The following PADI2 variants were observed in gnomAD, a reference collection of about 807,000 sequenced individuals.
PADI2 encodes protein-arginine deiminase type-2.
In PADI2, 70 loss-of-function variants were observed where a neutral mutation model predicts 81.1. The ratio of observed to expected loss-of-function variants is 0.86; its 90% CI spans 0.71 to 1.05. The LOEUF is 1.05. Among genes scored for constraint, PADI2 ranks in the 50% least tolerant of loss-of-function variants. The pLI is 0.00. For missense variants in PADI2, 853 were observed against 889.9 expected (o/e 0.96, Z 0.53); for synonymous variants, 338 against 358.0 (o/e 0.94, Z 0.63).
At position 17,075,802 on chromosome 1, in the gene PADI2, G is replaced by T; in HGVS notation, c.1332C>A (p.Thr444=). ...CCTTCAGGAAGTCACGCACCACCTT[G>T]GTCATCCTCCGACCACCAGACCTGG... ...SFPLSGGRRM[T]KVVRDFLKAQ... The change falls in exon 12 of 16, where the codon ACC becomes ACA. Residue 444 remains threonine, a synonymous_variant. Coordinates refer to ENST00000375486, the MANE Select transcript of PADI2 (RefSeq NM_007365.3). 3.1e-6 allele frequency: 5 copies of T among 1,613,782 alleles called. No homozygotes were observed. The highest frequency in any genetic ancestry group is 4.2e-6 in the Non-Finnish European group (5 of 1,179,894).
chr1:17,069,061 A>G lies in PADI2; in HGVS notation c.1981T>C (p.Trp661Arg). ...VRRKPFTFKW[W>R]HMVP ...CTGGCAGGTCAGGGCACCATGTGCC[A>G]CCACTTGAAGGTGAAGGGCTTCCTG... is the stretch of plus-strand genomic sequence containing the variant. The change falls in exon 16 of 16, where the codon TGG becomes CGG. Residue 661 changes from tryptophan to arginine, a missense_variant. Coordinates refer to ENST00000375486, the MANE Select transcript of PADI2 (RefSeq NM_007365.3). 1 of 1,613,912 alleles carries G rather than the reference A, an allele frequency of 6.2e-7. No individual in the cohort carries two copies.
chr1:17,101,271 C>T (rs914990295), intron 3 of PADI2, among the ~76,000 whole-genome samples: 40 of 152,288 alleles, frequency 2.6e-4, no homozygotes, highest in African/African-American at 8.4e-4. Context: ...TCCTTATAGA[C>T]GCTTATTTTG....
In PADI2 at chr1:17,079,392, G is replaced by C; in HGVS notation, c.1182C>G (p.Thr394=). ...TGACAGACTCAAAGAGGGGCTCCCG[G>C]GTCACGTAGCCAAAATCTGGGCCCT... ...ELLGPDFGYV[T]REPLFESVTS... The change falls in exon 11 of 16, where the codon ACC becomes ACG. Residue 394 remains threonine, a synonymous_variant. Transcript: ENST00000375486. 1 of 1,613,988 alleles carries C rather than the reference G, an allele frequency of 6.2e-7. No homozygotes were observed. Among genetic ancestry groups the C allele is most frequent in the South Asian group, 1.1e-5 (1 of 91,084 alleles).
rs2078296812 is a variant in PADI2, at chr1:17,075,697, G to A, written c.1437C>T (p.Val479=). Residue 479 remains valine, a synonymous_variant, in exon 12 of 16, where the codon GTC becomes GTT. Transcript: ENST00000375486. ...AGCTTACCTTTGTGCCGGGGATGGG[G>A]ACAAAGGACATGAACTCATCCACGT... The part of the protein sequence containing the change: ...VGHVDEFMSF[V]PIPGTKKFLL... 14 of 1,613,370 alleles carry A rather than the reference G, an allele frequency of 8.7e-6. No homozygotes were observed. The highest frequency in any genetic ancestry group is 2.2e-5 in the East Asian group (1 of 44,832).
chr1:17,102,900 T>A, intron 3 of PADI2, 87 bp downstream of exon 3: 1 of 996,150 alleles, frequency 1.0e-6, no homozygotes. Context: ...TCAGCCGCAC[T>A]GAGAACCGCC....
chr1:17,112,593 C>G (rs58352567), intron 1 of PADI2, among the ~76,000 whole-genome samples: 25,230 of 151,874 alleles, frequency 0.17, 2,392 homozygotes, highest in African/African-American at 0.24. Flanking sequence ...CAAGGACCAG[C>G]GGGGAGAATG....
chr1:17,079,125 G>A, intron 11 of PADI2, 139 bp downstream of exon 11: 7 of 632,552 alleles, frequency 1.1e-5, no homozygotes, highest in Admixed American at 3.0e-5. Context: ...CAAGAGTGTC[G>A]GCCTCTTAAC....
intron 1 of PADI2, among the ~76,000 whole-genome samples, chr1:17,113,750 C>G (rs1445094719): frequency 1.3e-5 from 2 of 152,210 alleles, no homozygotes; most frequent in African/African-American, 4.8e-5. Flanking sequence ...CAGAGAGAAG[C>G]AAGCCTGGGC....
intron 9 of PADI2, 126 bp downstream of exon 9, chr1:17,083,600 G>A: frequency 1.5e-6 from 1 of 680,496 alleles, no homozygotes; most frequent in South Asian, 1.7e-5. Context: ...CACATGTGCA[G>A]ATATGAGCTG....
At position 17,109,389 on chromosome 1, in the gene PADI2, TAAAAAAAAAAAA is replaced by T. The variant is rs566123530; in HGVS notation, c.93-4340_93-4329del. Among the ~76,000 whole-genome samples, 9 of 50,070 alleles carry T rather than the reference TAAAAAAAAAAAA, an allele frequency of 1.8e-4. No individual in the cohort carries two copies. The East Asian group carries it at 3.2e-3, about 18-fold the overall frequency. 32.8% of individuals were successfully genotyped at this position (50,070 alleles called of 152,430 possible). ...GGTGACAGAGCGAGACTCTGTCTAT[TAAAAAAAAAAAA>T]AAAAAAAAAAAAAAAGCTTGGGATA... On this transcript the variant is annotated intron_variant, in intron 1 of 15. Transcript: ENST00000375486.
At chr1:17,112,815 C>T (rs1931631690) in intron 1 of PADI2, among the ~76,000 whole-genome samples, 1 of 152,228 alleles carries the variant, frequency 6.6e-6, no homozygotes, top group Non-Finnish European at 1.5e-5. Flanking sequence ...CAGAAACCTT[C>T]AGTGACTCCC....
rs375141021 is a variant in PADI2 at position 17,092,423 on chromosome 1, C to T, written c.640G>A (p.Val214Met). Reference protein sequence around the residue: ...ISMSDSDKVGVFYVENPFFGQ... With the variant: ...ISMSDSDKVGMFYVENPFFGQ... ...GATCACTCACTCTCCACGTAGAACA[C>T]GCCCACTTTGTCTGAGTCTGACATG... is the stretch of plus-strand genomic sequence containing the variant. Residue 214 changes from valine to methionine, a missense_variant, in exon 6 of 16, where the codon GTG becomes ATG. Val to Met is a conservative substitution (Grantham distance 21). Coordinates refer to ENST00000375486, the MANE Select transcript of PADI2 (RefSeq NM_007365.3). 1.0e-5 allele frequency: 16 copies of T among 1,606,758 alleles called. No homozygotes were observed. Among genetic ancestry groups the T allele is most frequent in the African/African-American group, 5.4e-5 (4 of 73,686 alleles).
intron 1 of PADI2, among the ~76,000 whole-genome samples, chr1:17,113,278 TTATTATTA>T (rs869055933): frequency 3.3e-5 from 5 of 151,346 alleles, no homozygotes; most frequent in Admixed American, 1.3e-4. Context: ...ATTATTATTA[TTATTATTA>T]TTTTTCTAAC....
Position 17,115,144 on chromosome 1 carries a change from C to A in PADI2, c.92+4136G>T, listed in dbSNP as rs1389271911. 6.6e-6 allele frequency among the ~76,000 whole-genome samples: 1 copy of A among 152,238 alleles called. No individual in the cohort carries two copies. Among genetic ancestry groups the A allele is most frequent in the African/African-American group, 2.4e-5 (1 of 41,456 alleles). On this transcript the variant is annotated intron_variant, in intron 1 of 15. Transcript: ENST00000375486. The surrounding 1 kb of genome is among the most constrained non-coding windows in gnomAD (Gnocchi z 4.1). ...AAGTCTAGGAGCGCCTGCCTGATACCTTCTTCCTATCTTCTGCCAGCGAGT... is the reference window on the plus strand; with the variant it reads ...AAGTCTAGGAGCGCCTGCCTGATACATTCTTCCTATCTTCTGCCAGCGAGT...
rs1317718542 is a variant in PADI2, at chr1:17,075,678, C to T, written c.1455+1G>A. The T allele has an allele frequency of 3.7e-6, 6 of 1,610,722 alleles. No individual in the cohort carries two copies. The South Asian group carries it at 6.6e-5, about 18-fold the overall frequency. ...ACTCCAGCCTCGGGAGGCTAGCTTA[C>T]CTTTGTGCCGGGGATGGGGACAAAG... is the stretch of plus-strand genomic sequence containing the variant. On this transcript the variant is annotated splice_donor_variant, in intron 12 of 15. Coordinates refer to ENST00000375486, the MANE Select transcript of PADI2 (RefSeq NM_007365.3). LOFTEE classifies it high-confidence loss of function.
At chr1:17,100,938 G>A (rs1931121021) in intron 3 of PADI2, among the ~76,000 whole-genome samples, 2 of 152,122 alleles carry the variant, frequency 1.3e-5, no homozygotes, top group Non-Finnish European at 2.9e-5. Context: ...GGGATTACAG[G>A]CGTGAGACAC....
chr1:17,090,912 A>C (rs932226877), intron 6 of PADI2, among the ~76,000 whole-genome samples: 8 of 152,118 alleles, frequency 5.3e-5, no homozygotes, highest in Non-Finnish European at 1.0e-4. Context: ...TATTTGCAAC[A>C]GGTCTCGTGT....
chr1:17,111,375 G>A (rs756775201), intron 1 of PADI2, among the ~76,000 whole-genome samples: 4 of 152,068 alleles, frequency 2.6e-5, no homozygotes, highest in Non-Finnish European at 4.4e-5. Flanking sequence ...GATTACAGGT[G>A]TGAGCTACTG....
At chr1:17,076,551 C>T (rs757327713) in intron 11 of PADI2, among the ~76,000 whole-genome samples, 6 of 151,946 alleles carry the variant, frequency 3.9e-5, no homozygotes, top group Non-Finnish European at 7.4e-5. Context: ...AAACCTCCTC[C>T]AGGAAGCCCT....
Sources: allele counts gnomAD v4.1 joint callset (sites outside exome capture counted in the v4.1 genomes callset), GRCh38; gene constraint gnomAD v4.1.1; non-coding constraint Gnocchi (gnomAD v3.1); transcripts MANE v1.5; gene names NCBI Gene and HGNC (gene_info 2026-07-23, HGNC 2026-07-21).